The following DNAH8 variants were observed in gnomAD, a reference collection of about 807,000 sequenced individuals.
The protein encoded by DNAH8 is dynein axonemal heavy chain 8, also known as axonemal beta dynein heavy chain 8.
A neutral mutation model predicts 562.1 loss-of-function variants in DNAH8; 382 were observed. The observed-to-expected ratio is 0.68, with a 90% CI of 0.63 to 0.74. The LOEUF (loss-of-function observed/expected upper bound fraction) is 0.74, where lower values mean the gene tolerates loss of function less well. DNAH8 is among the 30% of genes least tolerant of loss of function. The pLI, the probability that DNAH8 is intolerant of heterozygous loss-of-function variation, is 0.00. For synonymous variants in DNAH8, 1,881 were observed against 1,919.4 expected (o/e 0.98, Z 0.52); for missense variants, 5,203 against 5,620.4 (o/e 0.93, Z 2.37).
intron 76 of DNAH8, among the ~76,000 whole-genome samples, chr6:38,935,382 C>A (rs111290918): frequency 6.6e-6 from 1 of 152,170 alleles, no homozygotes; most frequent in Non-Finnish European, 1.5e-5. Context: ...TGCTGTGGAA[C>A]CTTAATGACA....
At chr6:38,903,794 T>C (rs1016608847) in intron 62 of DNAH8, among the ~76,000 whole-genome samples, 3 of 151,904 alleles carry the variant, frequency 2.0e-5, no homozygotes, top group African/African-American at 7.3e-5. Flanking sequence ...GTATTTTTAG[T>C]AGAGGCAGGG....
intron 30 of DNAH8, among the ~76,000 whole-genome samples, chr6:38,828,729 T>C (rs1773580421): frequency 6.6e-6 from 1 of 152,352 alleles, no homozygotes; most frequent in South Asian, 2.1e-4. Flanking sequence ...AATGGCTTTA[T>C]TGAGATAGAA....
At chr6:38,749,892 C>T (rs112608331) in intron 8 of DNAH8, among the ~76,000 whole-genome samples, 27,409 of 152,108 alleles carry the variant, frequency 0.18, 3,321 homozygotes, top group Non-Finnish European at 0.27. Flanking sequence ...AGTGCAGTGG[C>T]GCGATCTCTG....
chr6:39,013,672 A>G (rs1237218422), intron 91 of DNAH8, among the ~76,000 whole-genome samples: 1 of 152,130 alleles, frequency 6.6e-6, no homozygotes, highest in Non-Finnish European at 1.5e-5. Context: ...GCAACATGGT[A>G]AAACCCTGTC....
rs115849503 is a variant in DNAH8, at chr6:38,761,454, G to A, written c.1516-248G>A. On this transcript the variant is annotated intron_variant, in intron 10 of 92. Coordinates refer to ENST00000327475, the MANE Select transcript of DNAH8 (RefSeq NM_001206927.2). ...TCAAGTTCTCTAGTTTTTTTTTAAT[G>A]TTATTATTATTATTTTTTATTTTTA... Among the ~76,000 whole-genome samples, 3,114 of 150,022 alleles carry A rather than the reference G, an allele frequency of 0.021. 113 individuals are homozygous for A. Among genetic ancestry groups the A allele is most frequent in the African/African-American group, 0.071 (2,924 of 40,906 alleles).
chr6:38,741,314 G>T (rs537222763), intron 7 of DNAH8, among the ~76,000 whole-genome samples: 1 of 152,188 alleles, frequency 6.6e-6, no homozygotes, highest in South Asian at 2.1e-4. Context: ...GAGGCGGGAG[G>T]ATTGCTTCAG....
intron 29 of DNAH8, among the ~76,000 whole-genome samples, chr6:38,827,469 A>G (rs1233428259): frequency 2.0e-5 from 3 of 152,126 alleles, no homozygotes; most frequent in Non-Finnish European, 2.9e-5. Flanking sequence ...GTCTATAAAC[A>G]ATGCACTGCC....
chr6:38,759,226 T>C (rs1414137193), intron 10 of DNAH8, among the ~76,000 whole-genome samples: 1 of 152,086 alleles, frequency 6.6e-6, no homozygotes, highest in Non-Finnish European at 1.5e-5. Flanking sequence ...GAGGATCCCT[T>C]GAGCCTGGGA....
chr6:38,841,298 A>G (rs13201591), intron 33 of DNAH8, among the ~76,000 whole-genome samples: 1 of 152,162 alleles, frequency 6.6e-6, no homozygotes, highest in African/African-American at 2.4e-5. Flanking sequence ...ATCTGCCTGT[A>G]ATCTCAGCTA....
intron 7 of DNAH8, among the ~76,000 whole-genome samples, chr6:38,741,151 T>A (rs1358429456): frequency 6.6e-6 from 1 of 152,156 alleles, no homozygotes; most frequent in African/African-American, 2.4e-5. Flanking sequence ...ATGCCTGTAA[T>A]CCCAACACTT....
chr6:38,742,868 T>C (rs1764626513), intron 8 of DNAH8, among the ~76,000 whole-genome samples: 1 of 152,136 alleles, frequency 6.6e-6, no homozygotes, highest in Non-Finnish European at 1.5e-5. Context: ...TTTGTGTTTC[T>C]AACTTTTAAA....
intron 14 of DNAH8, among the ~76,000 whole-genome samples, chr6:38,779,275 A>G (rs1768355523): frequency 6.6e-6 from 1 of 152,204 alleles, no homozygotes; most frequent in South Asian, 2.1e-4. Flanking sequence ...CATTGTAAAA[A>G]AAGTCAAAAC....
intron 3 of DNAH8, among the ~76,000 whole-genome samples, chr6:38,724,523 T>C (rs1763048268): frequency 6.6e-6 from 1 of 152,152 alleles, no homozygotes; most frequent in African/African-American, 2.4e-5. Flanking sequence ...TATACGGTAG[T>C]AGAAATAGTG....
intron 67 of DNAH8, among the ~76,000 whole-genome samples, chr6:38,914,379 T>C (rs947269280): frequency 2.0e-5 from 3 of 147,252 alleles, no homozygotes; most frequent in Non-Finnish European, 4.5e-5. Context: ...TATATATGTG[T>C]GCTGCTTTTT....
At chr6:39,022,294 G>A (rs1220700201) in intron 91 of DNAH8, among the ~76,000 whole-genome samples, 2 of 152,176 alleles carry the variant, frequency 1.3e-5, no homozygotes, top group African/African-American at 4.8e-5. Flanking sequence ...GAAATCTGAG[G>A]CTGCTACCTT....
At chr6:38,867,348 A>G (rs1247626462) in intron 47 of DNAH8, among the ~76,000 whole-genome samples, 1 of 151,972 alleles carries the variant, frequency 6.6e-6, no homozygotes, top group African/African-American at 2.4e-5. Flanking sequence ...TCTCTCCCAA[A>G]TCCCTAACCC....
chr6:38,846,212 G>T (rs533379218), intron 36 of DNAH8, among the ~76,000 whole-genome samples: 18 of 152,114 alleles, frequency 1.2e-4, no homozygotes, highest in Non-Finnish European at 2.6e-4. Flanking sequence ...ACCCATTAGG[G>T]GCTTGGCACT....
chr6:38,773,293 C>G (rs985440302), intron 12 of DNAH8, among the ~76,000 whole-genome samples: 3 of 152,096 alleles, frequency 2.0e-5, no homozygotes, highest in Non-Finnish European at 4.4e-5. Context: ...GAACCCTTGC[C>G]CACCTGGGTG....
rs745344684 is a variant in DNAH8 at position 38,924,163 on chromosome 6, G to C, written c.10962+1G>C. ...TTCAATGTTGGTGGATCCTCCAACT[G>C]TAAGTTTTACTTTCCCAATGTTATT... On this transcript the variant is annotated splice_donor_variant, in intron 73 of 92. Coordinates refer to ENST00000327475, the MANE Select transcript of DNAH8 (RefSeq NM_001206927.2). LOFTEE classifies it high-confidence loss of function. 5 of 1,612,120 alleles carry C rather than the reference G, an allele frequency of 3.1e-6. No homozygotes were observed. In the African/African-American group the frequency reaches 5.3e-5, roughly 17 times the overall value.
Sources: allele counts gnomAD v4.1 joint callset (sites outside exome capture counted in the v4.1 genomes callset), GRCh38; gene constraint gnomAD v4.1.1; transcripts MANE v1.5; gene names NCBI Gene and HGNC (gene_info 2026-07-23, HGNC 2026-07-21).